The following CORO1C variants were observed in gnomAD, a reference collection of about 807,000 sequenced individuals.
CORO1C encodes the protein coronin-1C.
In CORO1C, 14 loss-of-function variants were observed where a neutral mutation model predicts 51.2. The observed-to-expected ratio is 0.27, with a 90% confidence interval of 0.18 to 0.43. The LOEUF is 0.43. CORO1C is among the 20% of genes least tolerant of loss of function. The pLI, the probability that CORO1C is intolerant of heterozygous loss-of-function variation, is 1.00. For missense variants in CORO1C, 417 were observed against 607.8 expected, an observed-to-expected ratio of 0.69 and a Z score of 3.30; for synonymous variants, 181 against 210.5, an observed-to-expected ratio of 0.86 and a Z score of 1.21.
intron 2 of CORO1C, among the ~76,000 whole-genome samples, chr12:108,690,836 C>T (rs1211603966): frequency 6.6e-6 from 1 of 152,164 alleles, no homozygotes; most frequent in Non-Finnish European, 1.5e-5. Flanking sequence ...AGCAGAAGAA[C>T]TACAGATGTA....
chr12:108,663,610 T>C (rs1288268295), intron 3 of CORO1C, among the ~76,000 whole-genome samples: 1 of 152,196 alleles, frequency 6.6e-6, no homozygotes, highest in African/African-American at 2.4e-5. Flanking sequence ...ATTCCATGTA[T>C]GTGAAATGTC....
chr12:108,712,709 C>T (rs1191875512), intron 1 of CORO1C, among the ~76,000 whole-genome samples: 1 of 151,368 alleles, frequency 6.6e-6, no homozygotes, highest in Non-Finnish European at 1.5e-5. Context: ...TGGCCGGGCA[C>T]GTTGGCTCAC....
At chr12:108,650,592 C>T (rs2032603594) in intron 8 of CORO1C, among the ~76,000 whole-genome samples, 1 of 152,200 alleles carries the variant, frequency 6.6e-6, no homozygotes, top group South Asian at 2.1e-4. Context: ...GAGAGTGTGA[C>T]AACCTCACCA....
At chr12:108,672,111 A>G (rs1238897284) in intron 3 of CORO1C, among the ~76,000 whole-genome samples, 1 of 152,208 alleles carries the variant, frequency 6.6e-6, no homozygotes, top group Non-Finnish European at 1.5e-5. Flanking sequence ...AAGATCACAG[A>G]TAACTTATTA....
chr12:108,664,493 TA>T (rs1304789336), intron 3 of CORO1C, among the ~76,000 whole-genome samples: 1 of 152,192 alleles, frequency 6.6e-6, no homozygotes, highest in African/African-American at 2.4e-5. Context: ...AGGCTAAATA[TA>T]ACCCCTTATG....
chr12:108,664,002 G>A (rs974001388), intron 3 of CORO1C, among the ~76,000 whole-genome samples: 1 of 152,134 alleles, frequency 6.6e-6, no homozygotes, highest in African/African-American at 2.4e-5. Context: ...AACAACAAAG[G>A]TTTCAAAAGG....
At chr12:108,725,803 T>TTATG (rs1806374116) in intron 1 of CORO1C, among the ~76,000 whole-genome samples, 1 of 152,066 alleles carries the variant, frequency 6.6e-6, no homozygotes, top group Non-Finnish European at 1.5e-5. Context: ...CTAAGTGAAT[T>TTATG]TATTTATTTA....
At chr12:108,703,530 A>G (rs770943066) in intron 1 of CORO1C, among the ~76,000 whole-genome samples, 43 of 152,228 alleles carry the variant, frequency 2.8e-4, no homozygotes, top group Non-Finnish European at 5.9e-4. Flanking sequence ...CTGAAGTGTG[A>G]GTGTCCTCTA....
At chr12:108,651,653 TGGC>T (rs2032663261) in intron 8 of CORO1C, among the ~76,000 whole-genome samples, 2 of 152,234 alleles carry the variant, frequency 1.3e-5, no homozygotes, top group Non-Finnish European at 2.9e-5. Flanking sequence ...ACGCTGACCA[TGGC>T]CTCAGCTTGA....
chr12:108,681,898 AAGAC>A (rs1239247809), intron 2 of CORO1C, among the ~76,000 whole-genome samples: 1 of 152,206 alleles, frequency 6.6e-6, no homozygotes, highest in Non-Finnish European at 1.5e-5. Flanking sequence ...AGATTTTAAA[AAGAC>A]AGAAACAAAA....
chr12:108,678,444 G>T (rs200939076), intron 2 of CORO1C, 50 bp from the exon 3 acceptor site: 1 of 1,410,720 alleles, frequency 7.1e-7, no homozygotes, highest in Non-Finnish European at 9.4e-7. Flanking sequence ...CACCACAGAC[G>T]TTATACATTT....
intron 4 of CORO1C, among the ~76,000 whole-genome samples, chr12:108,659,705 A>G (rs1280753210): frequency 6.6e-6 from 1 of 152,212 alleles, no homozygotes; most frequent in East Asian, 1.9e-4. Context: ...AGGTTATTCA[A>G]ATCAGTGAGA....
At chr12:108,688,922 C>T (rs1479853669) in intron 2 of CORO1C, among the ~76,000 whole-genome samples, 2 of 151,554 alleles carry the variant, frequency 1.3e-5, no homozygotes, top group African/African-American at 2.4e-5. Flanking sequence ...CCCGGCTACT[C>T]GGGAGGGCTG....
At chr12:108,668,255 G>C (rs1265768538) in intron 3 of CORO1C, among the ~76,000 whole-genome samples, 1 of 152,224 alleles carries the variant, frequency 6.6e-6, no homozygotes, top group African/African-American at 2.4e-5. Flanking sequence ...ATGACGTGCA[G>C]AGTGGCACCG....
At chr12:108,706,370 A>G (rs1233872737) in intron 1 of CORO1C, among the ~76,000 whole-genome samples, 1 of 152,182 alleles carries the variant, frequency 6.6e-6, no homozygotes, top group African/African-American at 2.4e-5. Context: ...GATCAAGAAT[A>G]AGATGAGCTT....
At chr12:108,686,738 C>T (rs541323257) in intron 2 of CORO1C, among the ~76,000 whole-genome samples, 2 of 152,198 alleles carry the variant, frequency 1.3e-5, no homozygotes, top group Non-Finnish European at 2.9e-5. Flanking sequence ...CACCAAGTTT[C>T]CCAAAGGCTC....
rs573340976 is a variant in CORO1C at position 108,719,532 on chromosome 12, C to T, written c.-6+11897G>A. Among the ~76,000 whole-genome samples, 9 of 152,286 alleles carry T rather than the reference C, an allele frequency of 5.9e-5. No individual in the cohort carries two copies. In the East Asian group the frequency reaches 1.7e-3, roughly 29 times the overall value. ...ACTTACTCGGTCCTTGTCAAATTCT[C>T]AAGTCAAACGAATTCTCAAATACAT... is the stretch of plus-strand genomic sequence containing the variant. On this transcript the variant is annotated intron_variant, in intron 1 of 10. Coordinates refer to ENST00000261401, the MANE Select transcript of CORO1C (RefSeq NM_014325.4).
chr12:108,711,810 G>A (rs2035189081), intron 1 of CORO1C, among the ~76,000 whole-genome samples: 1 of 151,466 alleles, frequency 6.6e-6, no homozygotes, highest in Non-Finnish European at 1.5e-5. Flanking sequence ...AAACACCTGA[G>A]TAAATGTTAC....
intron 1 of CORO1C, among the ~76,000 whole-genome samples, chr12:108,703,771 C>T (rs902290070): frequency 1.1e-5 from 1 of 91,016 alleles, no homozygotes; most frequent in Non-Finnish European, 2.1e-5. Flanking sequence ...AGAGGCCTGA[C>T]TATGGGCCTG....
Sources: gnomAD v4.1 joint callset for allele counts (sites outside exome capture counted in the v4.1 genomes callset) on GRCh38, gnomAD v4.1.1 for gene constraint, MANE v1.5 for transcripts, NCBI Gene and HGNC (gene_info 2026-07-23, HGNC 2026-07-21) for gene names.